The following MSH3 variants were observed in gnomAD, a reference collection of about 807,000 sequenced individuals.
The protein encoded by MSH3 is DNA mismatch repair protein Msh3.
Under a neutral mutation model 123.3 loss-of-function variants are expected in MSH3, and 106 were observed. That is an observed-to-expected ratio of 0.86 (90% CI 0.73 to 1.01). The LOEUF (loss-of-function observed/expected upper bound fraction) is 1.01, where lower values mean the gene tolerates loss of function less well. Among genes scored for constraint, MSH3 ranks in the 50% least tolerant of loss-of-function variants. The pLI is 0.00. For synonymous variants in MSH3, 515 were observed against 481.4 expected (o/e 1.07, Z -0.91); for missense variants, 1,459 against 1,347.6 (o/e 1.08, Z -1.29).
At chr5:80,705,112 A>C (rs1310622511) in intron 8 of MSH3, among the ~76,000 whole-genome samples, 5 of 152,244 alleles carry the variant, frequency 3.3e-5, no homozygotes, top group Non-Finnish European at 7.3e-5. Context: ...TGCTCATTAA[A>C]TATTACCTCC....
At chr5:80,796,836 C>G (rs905465786) in intron 19 of MSH3, among the ~76,000 whole-genome samples, 1 of 149,384 alleles carries the variant, frequency 6.7e-6, no homozygotes, top group East Asian at 1.9e-4. Flanking sequence ...ATGTGGTCAC[C>G]GCTGGAGCTC....
Position 80,744,610 on chromosome 5 carries a change from A to G in MSH3, c.1758A>G (p.Lys586=), listed in dbSNP as rs2112869009. The change falls in exon 12 of 24, where the codon AAA becomes AAG. Residue 586 remains lysine (K), a synonymous_variant. Transcript: ENST00000265081. The part of the protein sequence containing the change: ...LKKWVTQPLL[K]LREINARLDA... ...AGTGGGTGACCCAGCCACTCCTTAAATTAAGGTAAAAGGAATTCTTTTTGG... is the reference window on the plus strand; with the variant it reads ...AGTGGGTGACCCAGCCACTCCTTAAGTTAAGGTAAAAGGAATTCTTTTTGG... 2 of 1,609,228 alleles carry G rather than the reference A, an allele frequency of 1.2e-6. No homozygotes were observed. Among genetic ancestry groups the G allele is most frequent in the South Asian group, 1.1e-5 (1 of 90,790 alleles).
intron 8 of MSH3, among the ~76,000 whole-genome samples, chr5:80,724,914 C>A (rs776475643): frequency 1.8e-4 from 27 of 151,768 alleles, no homozygotes; most frequent in Non-Finnish European, 3.2e-4. Flanking sequence ...TATAAAATAG[C>A]AGTTAATAAA....
At chr5:80,869,164 GTTC>G (rs1746156299) in intron 22 of MSH3, among the ~76,000 whole-genome samples, 1 of 152,152 alleles carries the variant, frequency 6.6e-6, no homozygotes, top group Non-Finnish European at 1.5e-5. Flanking sequence ...TTATGAATCT[GTTC>G]TAAAAGCAAC....
intron 19 of MSH3, among the ~76,000 whole-genome samples, chr5:80,800,455 C>T (rs1012949764): frequency 2.2e-4 from 33 of 152,078 alleles, no homozygotes; most frequent in African/African-American, 7.2e-4. Flanking sequence ...CTGGTCCTGC[C>T]GATAGATTTT....
intron 20 of MSH3, among the ~76,000 whole-genome samples, chr5:80,827,967 C>A (rs961906823): frequency 6.6e-6 from 1 of 152,158 alleles, no homozygotes; most frequent in African/African-American, 2.4e-5. Flanking sequence ...GAGTGTCCAT[C>A]TACACTTACC....
intron 4 of MSH3, among the ~76,000 whole-genome samples, chr5:80,670,900 A>C (rs941428641): frequency 1.3e-5 from 2 of 152,074 alleles, no homozygotes; most frequent in African/African-American, 4.8e-5. Flanking sequence ...TGGGTGGATC[A>C]CTTGAGGTCA....
intron 8 of MSH3, among the ~76,000 whole-genome samples, chr5:80,711,826 G>A (rs1294809441): frequency 6.6e-6 from 1 of 151,696 alleles, no homozygotes. Flanking sequence ...AGCTATTTTT[G>A]TATTTTTAGT....
intron 8 of MSH3, among the ~76,000 whole-genome samples, chr5:80,682,780 A>T (rs951934444): frequency 2.6e-5 from 4 of 152,136 alleles, no homozygotes; most frequent in African/African-American, 9.7e-5. Flanking sequence ...ATGATTTTTG[A>T]CTGTAGTCAT....
chr5:80,819,064 A>G (rs1011484735), intron 20 of MSH3, among the ~76,000 whole-genome samples: 1 of 151,936 alleles, frequency 6.6e-6, no homozygotes, highest in African/African-American at 2.4e-5. Context: ...TCAGGGTGCA[A>G]CCAATGTCCA....
intron 20 of MSH3, among the ~76,000 whole-genome samples, chr5:80,815,095 A>T (rs915101232): frequency 7.9e-5 from 12 of 152,328 alleles, no homozygotes; most frequent in African/African-American, 2.9e-4. Flanking sequence ...AATATATCAC[A>T]TGCTAATATT....
chr5:80,765,474 AT>A (rs1048308998), intron 13 of MSH3, among the ~76,000 whole-genome samples: 1 of 151,602 alleles, frequency 6.6e-6, no homozygotes, highest in Non-Finnish European at 1.5e-5. Flanking sequence ...CTAACTTCTT[AT>A]TTTTTTTGCA....
chr5:80,703,975 C>A (rs1750665493), intron 8 of MSH3, among the ~76,000 whole-genome samples: 1 of 152,082 alleles, frequency 6.6e-6, no homozygotes, highest in African/African-American at 2.4e-5. Context: ...TGGTGCCCAG[C>A]CAGCTGTAGT....
chr5:80,829,161 A>T (rs955333834), intron 20 of MSH3, among the ~76,000 whole-genome samples: 4 of 152,210 alleles, frequency 2.6e-5, no homozygotes, highest in Admixed American at 2.0e-4. Context: ...GTACTGTTAC[A>T]TTGGAGATTA....
chr5:80,840,957 C>G (rs1266230253), intron 20 of MSH3, among the ~76,000 whole-genome samples: 1 of 151,308 alleles, frequency 6.6e-6, no homozygotes, highest in African/African-American at 2.4e-5. Flanking sequence ...GCACAACGTG[C>G]AGGTTTGTTA....
chr5:80,778,976 ATTTCT>A, intron 17 of MSH3, 140 bp downstream of exon 17: 5 of 439,778 alleles, frequency 1.1e-5, no homozygotes, highest in African/African-American at 6.4e-5. Flanking sequence ...CTCTGATTTT[ATTTCT>A]TTTTTTTTTT....
At chr5:80,833,433 CTTTA>C (rs1384912270) in intron 20 of MSH3, among the ~76,000 whole-genome samples, 11 of 151,882 alleles carry the variant, frequency 7.2e-5, no homozygotes, top group Non-Finnish European at 1.5e-4. Flanking sequence ...AAACTATAAA[CTTTA>C]TTTATTTTTT....
chr5:80,728,244 G>A (rs1204170938), intron 9 of MSH3, among the ~76,000 whole-genome samples: 1 of 152,174 alleles, frequency 6.6e-6, no homozygotes, highest in Non-Finnish European at 1.5e-5. Context: ...TACCCTGTAG[G>A]GTGCAAGGAT....
intron 20 of MSH3, among the ~76,000 whole-genome samples, chr5:80,832,323 A>C (rs1018725244): frequency 1.3e-5 from 2 of 152,032 alleles, no homozygotes; most frequent in Admixed American, 1.3e-4. Flanking sequence ...TCTGATGAAA[A>C]AGTTCTGCAA....
Sources: allele counts gnomAD v4.1 joint callset (sites outside exome capture counted in the v4.1 genomes callset), GRCh38; gene constraint gnomAD v4.1.1; transcripts MANE v1.5; gene names NCBI Gene and HGNC (gene_info 2026-07-23, HGNC 2026-07-21).